Variants in CAPN7 observed in about 807,000 individuals in gnomAD.
The protein encoded by CAPN7 is calpain-7.
In CAPN7, 72 loss-of-function variants were observed where a neutral mutation model predicts 115.2. The observed-to-expected ratio is 0.63, with a 90% CI of 0.52 to 0.76. The LOEUF (loss-of-function observed/expected upper bound fraction) is 0.76, where lower values mean the gene tolerates loss of function less well. CAPN7 is among the 30% of genes least tolerant of loss of function. The pLI is 0.00. For synonymous variants in CAPN7, 344 were observed against 322.3 expected (o/e 1.07, Z -0.72); for missense variants, 905 against 971.5 (o/e 0.93, Z 0.91).
chr3:15,225,411 CTT>C (rs980690607), intron 6 of CAPN7, among the ~76,000 whole-genome samples: 2 of 152,090 alleles, frequency 1.3e-5, no homozygotes, highest in African/African-American at 4.8e-5. Context: ...GAGATGTAAA[CTT>C]ATCATTTCTA....
At chr3:15,242,814 G>C (rs1559409461) in intron 16 of CAPN7, among the ~76,000 whole-genome samples, 1 of 152,082 alleles carries the variant, frequency 6.6e-6, no homozygotes, top group Non-Finnish European at 1.5e-5. Context: ...CTTCCACTGG[G>C]CACCTGAGAT....
At position 15,235,004 on chromosome 3, in the gene CAPN7, TG is replaced by T; in HGVS notation, c.1287-20del. The T allele has an allele frequency of 6.3e-7, 1 of 1,591,030 alleles. No homozygotes were observed. The highest frequency in any genetic ancestry group is 8.5e-7 in the Non-Finnish European group (1 of 1,170,964). The stretch of plus-strand genomic sequence containing the variant: ...ACAAATGTGTTTTACTTTAATTAAT[TG>T]TCTTTGGGGTTCATTCCAGATTTCA... On this transcript the variant is annotated intron_variant, in intron 11 of 20. Coordinates refer to ENST00000253693, the MANE Select transcript of CAPN7 (RefSeq NM_014296.3).
intron 19 of CAPN7, among the ~76,000 whole-genome samples, chr3:15,248,480 T>C (rs1397412006): frequency 1.3e-5 from 2 of 152,094 alleles, no homozygotes; most frequent in Non-Finnish European, 2.9e-5. Context: ...CACACTAAGG[T>C]AGTAAAACTA....
Position 15,247,363 on chromosome 3 carries a change from T to C in CAPN7, c.2110T>C (p.Cys704Arg), listed in dbSNP as rs1486727695. Residue 704 changes from cysteine (C) to arginine (R), a missense_variant, in exon 19 of 21, where the codon TGT becomes CGT. Transcript: ENST00000253693. ...GKWSGQSAGG[C>R]GNFQETHKNN... ...GTGGAGTGGTCAGAGTGCTGGAGGA[T>C]GTGGAAATTTCCAAGAGACTCACAA... The C allele has an allele frequency of 3.1e-6, 5 of 1,609,566 alleles. No homozygotes were observed. The highest frequency in any genetic ancestry group is 4.2e-6 in the Non-Finnish European group (5 of 1,177,674).
intron 8 of CAPN7, among the ~76,000 whole-genome samples, chr3:15,229,561 C>CTTTTTTTTTTTTTTTTTTTTTTT (rs566957976): frequency 2.3e-5 from 2 of 87,836 alleles, no homozygotes; most frequent in African/African-American, 8.3e-5. Context: ...TACTTTTTTT[C>CTTTTTTTTTTTTTTTTTTTTTTT]TTTTTTTTTT....
intron 2 of CAPN7, among the ~76,000 whole-genome samples, chr3:15,212,898 T>G (rs530810686): frequency 7.9e-4 from 120 of 152,332 alleles, no homozygotes; most frequent in African/African-American, 2.9e-3. Flanking sequence ...TTTATTCTCA[T>G]GGACTTTGTG....
chr3:15,245,512 T>C lies in CAPN7; in HGVS notation c.1865-14T>C. On this transcript the variant is annotated splice_polypyrimidine_tract_variant and intron_variant, in intron 16 of 20. Coordinates refer to ENST00000253693, the MANE Select transcript of CAPN7 (RefSeq NM_014296.3). ...AAAGTCTCCTTTTCTCTAAGCCTAC[T>C]TGTTTGTTTGCAGCTGACCCACCTC... is the stretch of plus-strand genomic sequence containing the variant. 6.2e-7 allele frequency: 1 copy of C among 1,605,290 alleles called. No homozygotes were observed. The highest frequency in any genetic ancestry group is 1.1e-5 in the South Asian group (1 of 89,092).
chr3:15,241,033 T>C (rs7638064), intron 14 of CAPN7, among the ~76,000 whole-genome samples, 180 bp downstream of exon 14: 17,947 of 152,068 alleles, frequency 0.12, 3,520 homozygotes, highest in African/African-American at 0.4. Flanking sequence ...GGCAAAACCT[T>C]GTCTCTACAA....
intron 8 of CAPN7, 94 bp from the exon 9 acceptor site, chr3:15,230,348 A>G (rs1352398136): frequency 1.5e-5 from 10 of 679,394 alleles, no homozygotes; most frequent in Non-Finnish European, 2.5e-5. Context: ...TGAAATTGCC[A>G]AGACGGTAGT....
At chr3:15,210,274 C>CT (rs889805219) in intron 1 of CAPN7, among the ~76,000 whole-genome samples, 4 of 151,820 alleles carry the variant, frequency 2.6e-5, no homozygotes, top group Admixed American at 6.6e-5. Flanking sequence ...AAAAAAATAG[C>CT]TTTTTTTAAA....
chr3:15,206,273 C>A lies in CAPN7; in HGVS notation c.-223C>A. ...GGGCCGCTGGGGCCGCGAAGTGGGG[C>A]GGCCGGGTGGGCTACAAGCCGGGTC... On this transcript the variant is annotated 5_prime_UTR_variant, in exon 1 of 21. Coordinates refer to ENST00000253693, the MANE Select transcript of CAPN7 (RefSeq NM_014296.3). 4.8e-6 allele frequency: 2 copies of A among 419,042 alleles called. No homozygotes were observed. The highest frequency in any genetic ancestry group is 4.2e-5 in the East Asian group (1 of 23,736). 26.0% of individuals were successfully genotyped at this position (419,042 alleles called of 1,614,324 possible). A position where few individuals can be genotyped will look rare whatever the true frequency, so the allele number is the denominator to read the frequency against.
intron 5 of CAPN7, among the ~76,000 whole-genome samples, chr3:15,221,715 A>G (rs1424795102): frequency 1.3e-5 from 2 of 152,044 alleles, no homozygotes; most frequent in Non-Finnish European, 2.9e-5. Context: ...CACCCCTGCA[A>G]TCCCAGCATT....
At chr3:15,217,094 A>G (rs969072459) in intron 2 of CAPN7, among the ~76,000 whole-genome samples, 1 of 151,926 alleles carries the variant, frequency 6.6e-6, no homozygotes, top group African/African-American at 2.4e-5. Flanking sequence ...AAAAGAGAGA[A>G]AAATTAGCCA....
chr3:15,248,539 G>A (rs1695807218), intron 19 of CAPN7, among the ~76,000 whole-genome samples: 1 of 152,228 alleles, frequency 6.6e-6, no homozygotes, highest in African/African-American at 2.4e-5. Context: ...TCGAGGGACA[G>A]GAGTTGCAAT....
chr3:15,222,394 G>A (rs1297608126), intron 5 of CAPN7, among the ~76,000 whole-genome samples: 1 of 152,196 alleles, frequency 6.6e-6, no homozygotes, highest in East Asian at 1.9e-4. Context: ...TTAAAGTTGA[G>A]CACTGCAGAA....
chr3:15,206,774 TGAGGCTGCGGG>T (rs955886052), intron 1 of CAPN7, among the ~76,000 whole-genome samples, 177 bp downstream of exon 1: 13 of 152,214 alleles, frequency 8.5e-5, no homozygotes, highest in Admixed American at 3.3e-4. Flanking sequence ...AGGCCGACGC[TGAGGCTGCGGG>T]GAGGCTGGGT....
In CAPN7 at chr3:15,224,885, A is replaced by G. The variant is rs184507082; in HGVS notation, c.725+1324A>G. Among the ~76,000 whole-genome samples, 67 of 152,164 alleles carry G rather than the reference A, an allele frequency of 4.4e-4. No individual in the cohort carries two copies. The East Asian group carries it at 5.8e-3, about 13-fold the overall frequency. ...CAAAGCCAGTTAACATATTTTTTTC[A>G]CTCAGGTAGCTGTGTGATGCTAGTA... On this transcript the variant is annotated intron_variant, in intron 6 of 20. Transcript: ENST00000253693.
intron 11 of CAPN7, 48 bp from the exon 12 acceptor site, chr3:15,234,976 AT>A (rs1370455475): frequency 6.5e-7 from 1 of 1,549,564 alleles, no homozygotes; most frequent in Non-Finnish European, 8.8e-7. Context: ...GTGATCTTAG[AT>A]TACAAATGTG....
At chr3:15,235,002 A>C in intron 11 of CAPN7, 23 bp from the exon 12 acceptor site, 4 of 1,589,994 alleles carry the variant, frequency 2.5e-6, no homozygotes, top group Non-Finnish European at 3.4e-6. Context: ...ACTTTAATTA[A>C]TTGTCTTTGG....
Sources: gnomAD v4.1 joint callset for allele counts (sites outside exome capture counted in the v4.1 genomes callset) on GRCh38, gnomAD v4.1.1 for gene constraint, MANE v1.5 for transcripts, NCBI Gene and HGNC (gene_info 2026-07-23, HGNC 2026-07-21) for gene names.